Variants in TRPM7 observed in about 807,000 individuals in gnomAD.
TRPM7 encodes the protein LTRPC ion channel family member 7.
In TRPM7, 134 loss-of-function variants were observed where a neutral mutation model predicts 229.7. That is an observed-to-expected ratio of 0.58 (90% CI 0.51 to 0.67). The LOEUF is 0.67. TRPM7 is among the 30% of genes least tolerant of loss of function. TRPM7 has a pLI of 0.00. For synonymous variants in TRPM7, 699 were observed against 715.2 expected (o/e 0.98, Z 0.36); for missense variants, 1,901 against 2,210.0 (o/e 0.86, Z 2.80).
At chr15:50,642,345 C>T (rs1050313761) in intron 5 of TRPM7, among the ~76,000 whole-genome samples, 2 of 152,198 alleles carry the variant, frequency 1.3e-5, no homozygotes, top group African/African-American at 4.8e-5. Flanking sequence ...TTCACCTCTG[C>T]TGTTACAGCA....
rs771595443 is a variant in TRPM7 at position 50,633,051 on chromosome 15, A to T, written c.1008-59T>A. On this transcript the variant is annotated intron_variant, in intron 8 of 38. Coordinates refer to ENST00000646667, the MANE Select transcript of TRPM7 (RefSeq NM_017672.6). ...ATCTTCCATTATTTGTAGGATCAATATGAAGTACAGGTAGATCCATGTAAG... is the reference window on the plus strand; with the variant it reads ...ATCTTCCATTATTTGTAGGATCAATTTGAAGTACAGGTAGATCCATGTAAG... 11 of 1,490,638 alleles carry T rather than the reference A, an allele frequency of 7.4e-6. No homozygotes were observed. The South Asian group carries it at 1.3e-4, about 18-fold the overall frequency. The allele number at this position is 1,490,638 out of a possible 1,614,324, so 92.3% of individuals were successfully genotyped here. A position where few individuals can be genotyped will look rare whatever the true frequency, so the allele number is the denominator to read the frequency against.
chr15:50,574,579 G>T, intron 35 of TRPM7, 58 bp downstream of exon 35: 1 of 1,558,186 alleles, frequency 6.4e-7, no homozygotes, highest in Non-Finnish European at 8.8e-7. Flanking sequence ...AAAAATGAAG[G>T]TCAAAAGGGA....
At chr15:50,602,767 C>G (rs2059815018) in intron 21 of TRPM7, among the ~76,000 whole-genome samples, 1 of 152,068 alleles carries the variant, frequency 6.6e-6, no homozygotes, top group Non-Finnish European at 1.5e-5. Flanking sequence ...AAACAGTAAC[C>G]ATTATGAAAC....
intron 30 of TRPM7, among the ~76,000 whole-genome samples, chr15:50,579,286 T>C (rs1176194641): frequency 1.3e-5 from 2 of 152,168 alleles, no homozygotes; most frequent in African/African-American, 2.4e-5. Context: ...CTTAGCACTT[T>C]CATTACACAG....
intron 28 of TRPM7, among the ~76,000 whole-genome samples, chr15:50,585,197 G>A (rs562292752): frequency 3.3e-4 from 50 of 152,152 alleles, no homozygotes; most frequent in Non-Finnish European, 6.8e-4. Flanking sequence ...GAGTAGCTGG[G>A]ACTACAGGCG....
At chr15:50,608,981 C>T (rs1464582711) in intron 19 of TRPM7, among the ~76,000 whole-genome samples, 1 of 152,194 alleles carries the variant, frequency 6.6e-6, no homozygotes, top group Non-Finnish European at 1.5e-5. Context: ...TAAACACCTA[C>T]ATTTCAACCA....
At chr15:50,586,995 G>T (rs2059360296) in intron 27 of TRPM7, among the ~76,000 whole-genome samples, 1 of 152,068 alleles carries the variant, frequency 6.6e-6, no homozygotes, top group South Asian at 2.1e-4. Flanking sequence ...CAGCCTGCTG[G>T]CAGAACGAGA....
chr15:50,671,863 G>C (rs2061996127), intron 1 of TRPM7, among the ~76,000 whole-genome samples: 1 of 152,010 alleles, frequency 6.6e-6, no homozygotes, highest in South Asian at 2.1e-4. Flanking sequence ...CATAGCACCA[G>C]GACTACTTGG....
intron 11 of TRPM7, 134 bp from the exon 12 acceptor site, chr15:50,624,434 C>T (rs1406756228): frequency 2.8e-6 from 2 of 705,202 alleles, no homozygotes; most frequent in African/African-American, 1.8e-5. Flanking sequence ...AGATGCAACA[C>T]AGTAAAAAGC....
intron 1 of TRPM7, among the ~76,000 whole-genome samples, chr15:50,685,220 TG>T (rs1268020304): frequency 3.9e-5 from 6 of 152,304 alleles, no homozygotes; most frequent in African/African-American, 1.2e-4. Context: ...CCCAGGACTT[TG>T]GGGGGCTGAG....
intron 29 of TRPM7, 115 bp from the exon 30 acceptor site, chr15:50,581,023 A>G: frequency 1.2e-6 from 1 of 866,714 alleles, no homozygotes; most frequent in Non-Finnish European, 1.7e-6. Context: ...CCAAAAAACT[A>G]ACATACAGTT....
Position 50,686,643 on chromosome 15 carries a change from G to A in TRPM7, c.-110C>T, listed in dbSNP as rs2062366307. 1 of 1,456,914 alleles carries A rather than the reference G, an allele frequency of 6.9e-7. No individual in the cohort carries two copies. The allele number at this position is 1,456,914 out of a possible 1,614,324, so 90.2% of individuals were successfully genotyped here. The stretch of plus-strand genomic sequence containing the variant: ...CCGGAGGCGGCAGCAGAGGCCGCCG[G>A]ACAAGGAACGCCCAGGGAAACCTTC... On this transcript the variant is annotated 5_prime_UTR_variant, in exon 1 of 39. Coordinates refer to ENST00000646667, the MANE Select transcript of TRPM7 (RefSeq NM_017672.6).
At chr15:50,585,297 A>T (rs1238079319) in intron 28 of TRPM7, among the ~76,000 whole-genome samples, 1 of 152,170 alleles carries the variant, frequency 6.6e-6, no homozygotes, top group East Asian at 1.9e-4. Context: ...TCCTGACCTC[A>T]GGTGATCCAC....
intron 16 of TRPM7, among the ~76,000 whole-genome samples, chr15:50,612,193 T>C (rs1352590616): frequency 6.6e-6 from 1 of 152,158 alleles, no homozygotes; most frequent in African/African-American, 2.4e-5. Context: ...CAGGCTCAAG[T>C]GATCCTTCCA....
intron 2 of TRPM7, among the ~76,000 whole-genome samples, chr15:50,659,552 T>G (rs928439283): frequency 6.6e-6 from 1 of 152,182 alleles, no homozygotes; most frequent in African/African-American, 2.4e-5. Flanking sequence ...TGGTTAAAGG[T>G]GGGGATACTT....
At chr15:50,659,880 C>A (rs1339285384) in intron 2 of TRPM7, among the ~76,000 whole-genome samples, 1 of 152,116 alleles carries the variant, frequency 6.6e-6, no homozygotes, top group Non-Finnish European at 1.5e-5. Context: ...GTTGGCCAGG[C>A]TGGTCTCGAA....
At chr15:50,609,503 T>C (rs8023951) in intron 19 of TRPM7, 78 bp downstream of exon 19, 3 of 1,351,534 alleles carry the variant, frequency 2.2e-6, no homozygotes, top group East Asian at 2.4e-5. Flanking sequence ...TATATCAACA[T>C]TAGTATGGAT....
intron 1 of TRPM7, 26 bp downstream of exon 1, chr15:50,686,505 C>A: frequency 6.2e-7 from 1 of 1,613,980 alleles, no homozygotes; most frequent in Non-Finnish European, 8.5e-7. Flanking sequence ...AACCATTCCC[C>A]GCCCGGGCCT....
chr15:50,605,908 TAAG>T (rs1377055289), intron 20 of TRPM7, among the ~76,000 whole-genome samples: 7 of 151,752 alleles, frequency 4.6e-5, no homozygotes, highest in African/African-American at 2.4e-5. Context: ...AGCTATCTAA[TAAG>T]AAATTCCTTC....
Sources: gnomAD v4.1 joint callset for allele counts (sites outside exome capture counted in the v4.1 genomes callset) on GRCh38, gnomAD v4.1.1 for gene constraint, MANE v1.5 for transcripts, NCBI Gene and HGNC (gene_info 2026-07-23, HGNC 2026-07-21) for gene names.